Variants in WDR72 observed in about 807,000 individuals in gnomAD.
WDR72 encodes the protein WD repeat domain 72.
Under a neutral mutation model 124.2 loss-of-function variants are expected in WDR72, and 120 were observed. That is an observed-to-expected ratio of 0.97 (90% CI 0.83 to 1.12). The LOEUF (loss-of-function observed/expected upper bound fraction) is 1.12. Among genes scored for constraint, WDR72 ranks in the 50% most tolerant of loss-of-function variants. The pLI is 0.00. For synonymous variants in WDR72, 452 were observed against 441.7 expected (o/e 1.02, Z -0.29); for missense variants, 1,387 against 1,278.8 (o/e 1.08, Z -1.29).
chr15:53,676,022 C>T (rs1182625774), intron 13 of WDR72, among the ~76,000 whole-genome samples: 1 of 152,096 alleles, frequency 6.6e-6, no homozygotes, highest in African/African-American at 2.4e-5. Flanking sequence ...TGTTTTGAAA[C>T]CACCAAGGCT....
intron 13 of WDR72, among the ~76,000 whole-genome samples, chr15:53,680,906 G>C (rs1305088290): frequency 6.6e-6 from 1 of 152,222 alleles, no homozygotes; most frequent in Non-Finnish European, 1.5e-5. Context: ...GGGATGCACT[G>C]ACAAGGCTGA....
chr15:53,555,299 C>T (rs149608902), intron 18 of WDR72, among the ~76,000 whole-genome samples: 14 of 151,552 alleles, frequency 9.2e-5, no homozygotes, highest in African/African-American at 3.4e-4. Context: ...TCACGGAGGA[C>T]AGAGGCAGGG....
intron 18 of WDR72, among the ~76,000 whole-genome samples, chr15:53,565,484 G>A (rs1197135691): frequency 6.6e-6 from 1 of 151,870 alleles, no homozygotes; most frequent in South Asian, 2.1e-4. Context: ...AATGTGCCAA[G>A]ACCTATTCTC....
chr15:53,714,611 A>G (rs1024759545), intron 5 of WDR72, 101 bp from the exon 6 acceptor site: 1 of 899,428 alleles, frequency 1.1e-6, no homozygotes, highest in African/African-American at 1.7e-5. Flanking sequence ...GGCTGTGTAG[A>G]TAGAAAATTT....
At chr15:53,552,153 T>TG (rs34517101) in intron 18 of WDR72, among the ~76,000 whole-genome samples, 3 of 150,288 alleles carry the variant, frequency 2.0e-5, no homozygotes, top group Non-Finnish European at 3.0e-5. Context: ...TGTGTGTGTG[T>TG]TTATGTATGT....
chr15:53,727,831 C>G (rs1039071408), intron 2 of WDR72, among the ~76,000 whole-genome samples: 19 of 152,130 alleles, frequency 1.2e-4, no homozygotes, highest in African/African-American at 4.3e-4. Context: ...CTAAAATTTC[C>G]TCATTTACCA....
At chr15:53,677,847 C>A (rs557312748) in intron 13 of WDR72, among the ~76,000 whole-genome samples, 2 of 152,204 alleles carry the variant, frequency 1.3e-5, no homozygotes, top group Middle Eastern at 3.4e-3. Context: ...ATCAAAATTG[C>A]CATTATCTAC....
intron 2 of WDR72, among the ~76,000 whole-genome samples, chr15:53,723,718 A>C (rs889222002): frequency 1.3e-5 from 2 of 152,244 alleles, no homozygotes; most frequent in African/African-American, 4.8e-5. Flanking sequence ...CATATAGCCT[A>C]TGAACATCTT....
intron 17 of WDR72, among the ~76,000 whole-genome samples, chr15:53,602,941 A>C (rs567720858): frequency 7.9e-5 from 12 of 152,140 alleles, no homozygotes; most frequent in Non-Finnish European, 1.8e-4. Context: ...ACCTGAAACT[A>C]TTTCAAAAAA....
At chr15:53,676,403 G>T (rs1373163481) in intron 13 of WDR72, among the ~76,000 whole-genome samples, 1 of 152,190 alleles carries the variant, frequency 6.6e-6, no homozygotes. Context: ...TTTGATGAGC[G>T]CTTTGAATGC....
chr15:53,685,145 G>C (rs372856163), intron 13 of WDR72, among the ~76,000 whole-genome samples: 1 of 149,880 alleles, frequency 6.7e-6, no homozygotes, highest in Non-Finnish European at 1.5e-5. Flanking sequence ...ACTCTAAAAC[G>C]CAGAGCGCCT....
intron 18 of WDR72, among the ~76,000 whole-genome samples, chr15:53,579,622 C>T (rs1012855190): frequency 4.3e-4 from 66 of 152,084 alleles, no homozygotes; most frequent in African/African-American, 1.6e-3. Flanking sequence ...ACTATCTCAC[C>T]CCTTAACTAG....
At chr15:53,523,576 A>T (rs1229423603) in intron 18 of WDR72, among the ~76,000 whole-genome samples, 2 of 152,052 alleles carry the variant, frequency 1.3e-5, no homozygotes, top group South Asian at 2.1e-4. Context: ...AAAAGCTACA[A>T]AGTAACAAAG....
chr15:53,706,030 T>C lies in WDR72; in HGVS notation c.999A>G (p.Lys333=). The change falls in exon 10 of 20, where the codon AAA becomes AAG. Residue 333 remains lysine (K), a synonymous_variant. Coordinates refer to ENST00000360509, the MANE Select transcript of WDR72 (RefSeq NM_182758.4). ...PFVMGYMNER[K]EPFYKVLFSG... is the part of the protein sequence containing the mutation. ...AGAAAAGTACCTTGTAAAAAGGCTC[T>C]TTCCTTTCATTCATGTAGCCCATAA... is the stretch of plus-strand genomic sequence containing the variant. The C allele has an allele frequency of 6.2e-7, 1 of 1,614,088 alleles. No individual in the cohort carries two copies. Among genetic ancestry groups the C allele is most frequent in the Non-Finnish European group, 8.5e-7 (1 of 1,180,006 alleles).
At chr15:53,625,365 T>G (rs2014162673) in intron 14 of WDR72, among the ~76,000 whole-genome samples, 1 of 152,182 alleles carries the variant, frequency 6.6e-6, no homozygotes, top group Non-Finnish European at 1.5e-5. Flanking sequence ...TCCTGGTATT[T>G]TCCTCAAAAA....
At chr15:53,624,857 C>T (rs977822656) in intron 14 of WDR72, among the ~76,000 whole-genome samples, 2 of 152,142 alleles carry the variant, frequency 1.3e-5, no homozygotes, top group Non-Finnish European at 2.9e-5. Flanking sequence ...AACATAATGA[C>T]TATCATTTTG....
intron 18 of WDR72, among the ~76,000 whole-genome samples, chr15:53,556,871 T>C (rs1369205515): frequency 1.3e-5 from 2 of 152,130 alleles, no homozygotes; most frequent in African/African-American, 4.8e-5. Context: ...CACTCACTAA[T>C]GTTATATAAT....
At chr15:53,559,364 G>T (rs1358866764) in intron 18 of WDR72, among the ~76,000 whole-genome samples, 1 of 151,958 alleles carries the variant, frequency 6.6e-6, no homozygotes, top group Non-Finnish European at 1.5e-5. Flanking sequence ...AAAATGTTTT[G>T]TAAAGATTAG....
At chr15:53,686,236 A>C (rs1353483528) in intron 13 of WDR72, among the ~76,000 whole-genome samples, 10 of 151,914 alleles carry the variant, frequency 6.6e-5, no homozygotes, top group Admixed American at 2.0e-4. Context: ...TAAATGGACT[A>C]AATGCTCCCA....
Sources: allele counts gnomAD v4.1 joint callset (sites outside exome capture counted in the v4.1 genomes callset), GRCh38; gene constraint gnomAD v4.1.1; transcripts MANE v1.5; gene names NCBI Gene and HGNC (gene_info 2026-07-23, HGNC 2026-07-21).